The following PLAG1 variants were observed in gnomAD, a reference collection of about 807,000 sequenced individuals.
PLAG1 encodes PLAG1 zinc finger.
In PLAG1, 7 loss-of-function variants were observed where a neutral mutation model predicts 35.5. The observed-to-expected ratio is 0.20, with a 90% confidence interval of 0.11 to 0.37. The LOEUF (loss-of-function observed/expected upper bound fraction) is 0.37, where lower values mean the gene tolerates loss of function less well. Ranked by LOEUF, PLAG1 falls within the 10% of genes least tolerant of loss-of-function variation. The probability of loss-of-function intolerance (pLI) is 1.00; values close to 1 mark genes in which losing one functional copy is unlikely to be tolerated. For synonymous variants in PLAG1, 229 were observed against 225.4 expected, an observed-to-expected ratio of 1.02 and a Z score of -0.14; for missense variants, 454 against 602.8, an observed-to-expected ratio of 0.75 and a Z score of 2.58.
At chr8:56,192,179 G>A (rs769447369) in intron 1 of PLAG1, among the ~76,000 whole-genome samples, 5 of 152,304 alleles carry the variant, frequency 3.3e-5, no homozygotes, top group Non-Finnish European at 5.9e-5. Context: ...TACTACCAGC[G>A]ACAGCGACTG....
chr8:56,183,863 C>T (rs926610513), intron 1 of PLAG1, among the ~76,000 whole-genome samples: 2 of 151,974 alleles, frequency 1.3e-5, no homozygotes, highest in South Asian at 2.1e-4. Flanking sequence ...AATATAAAAC[C>T]TAAAACTATA....
At chr8:56,202,368 G>A (rs746680880) in intron 1 of PLAG1, among the ~76,000 whole-genome samples, 3 of 152,180 alleles carry the variant, frequency 2.0e-5, no homozygotes, top group South Asian at 2.1e-4. Context: ...ACTAGTCTAC[G>A]TAAGGCACTG....
rs1281129958 is a variant in PLAG1, at chr8:56,176,040, CCTTTT to C, written c.-217+3364_-217+3368del. Reference sequence around the variant, plus strand: ...TTTTCTCTTTTGAAAACTCCCTTTTCCTTTTCTTTTTTTTTTTTTTTTTGAGACAG... The same window carrying C: ...TTTTCTCTTTTGAAAACTCCCTTTTCCTTTTTTTTTTTTTTTTTGAGACAG... On this transcript the variant is annotated intron_variant, in intron 2 of 4. Coordinates refer to ENST00000316981, the MANE Select transcript of PLAG1 (RefSeq NM_002655.3). Among the ~76,000 whole-genome samples, 5 of 145,256 alleles carry C rather than the reference CCTTTT, an allele frequency of 3.4e-5. No homozygotes were observed. The South Asian group carries it at 1.1e-3, about 31-fold the overall frequency.
At chr8:56,169,162 T>G (rs1272050383) in intron 3 of PLAG1, among the ~76,000 whole-genome samples, 1 of 152,172 alleles carries the variant, frequency 6.6e-6, no homozygotes, top group Admixed American at 6.6e-5. Context: ...TTAGGCACAC[T>G]GAGGTTAGTA....
At chr8:56,182,249 C>T (rs1361094469) in intron 1 of PLAG1, among the ~76,000 whole-genome samples, 2 of 152,116 alleles carry the variant, frequency 1.3e-5, no homozygotes, top group Non-Finnish European at 2.9e-5. Context: ...GAGATGAAAA[C>T]CAGCAAAAAT....
chr8:56,163,342 A>G lies in PLAG1; in HGVS notation c.*2901T>C, dbSNP rs1030794683. 1.0e-5 allele frequency: 2 copies of G among 195,060 alleles called. No individual in the cohort carries two copies. The highest frequency in any genetic ancestry group is 4.7e-5 in the African/African-American group (2 of 42,914). 12.1% of individuals were successfully genotyped at this position (195,060 alleles called of 1,614,324 possible). On this transcript the variant is annotated 3_prime_UTR_variant, in exon 5 of 5. Transcript: ENST00000316981. Reference sequence around the variant, plus strand: ...ATTTTTAATCATATCTAGTTGACATAGAAACAAACAATCTTTTTCTAGGGA... The same window carrying G: ...ATTTTTAATCATATCTAGTTGACATGGAAACAAACAATCTTTTTCTAGGGA...
chr8:56,206,014 C>T (rs1056178955), intron 1 of PLAG1, among the ~76,000 whole-genome samples: 5 of 151,780 alleles, frequency 3.3e-5, no homozygotes, highest in Non-Finnish European at 7.4e-5. Context: ...ATAACACTAC[C>T]TTTTTAAAAA....
chr8:56,166,122 A>C lies in PLAG1; in HGVS notation c.*121T>G. On this transcript the variant is annotated 3_prime_UTR_variant, in exon 5 of 5. Coordinates refer to ENST00000316981, the MANE Select transcript of PLAG1 (RefSeq NM_002655.3). ...TTTCTATTTTATACTGGCTTAATGA[A>C]AATTTGTATTATACAAAAGCAGAAA... is the stretch of plus-strand genomic sequence containing the variant. 1 of 638,088 alleles carries C rather than the reference A, an allele frequency of 1.6e-6. No homozygotes were observed. The highest frequency in any genetic ancestry group is 2.7e-5 in the East Asian group (1 of 37,560). The allele number at this position is 638,088 out of a possible 1,614,324, so 39.5% of individuals were successfully genotyped here. A position where few individuals can be genotyped will look rare whatever the true frequency, so the allele number is the denominator to read the frequency against.
In PLAG1 at chr8:56,165,577, AAC is replaced by A. The variant is rs1175849714; in HGVS notation, c.*664_*665del. 4.9e-6 allele frequency: 1 copy of A among 205,138 alleles called. No homozygotes were observed. Among genetic ancestry groups the A allele is most frequent in the East Asian group, 7.5e-5 (1 of 13,360 alleles). The allele number at this position is 205,138 out of a possible 1,614,324, so 12.7% of individuals were successfully genotyped here. ...AGTGACACGAAATGCCATGTCACCT[AAC>A]AGAGTCTCTTTTTGCTATAAATACT... is the stretch of plus-strand genomic sequence containing the variant. On this transcript the variant is annotated 3_prime_UTR_variant, in exon 5 of 5. Transcript: ENST00000316981.
intron 1 of PLAG1, among the ~76,000 whole-genome samples, chr8:56,206,559 T>C (rs1265159860): frequency 2.0e-5 from 3 of 151,930 alleles, no homozygotes; most frequent in Non-Finnish European, 2.9e-5. Context: ...TACGGTAAAA[T>C]AGAAAAGAAT....
intron 1 of PLAG1, among the ~76,000 whole-genome samples, chr8:56,182,452 C>T (rs1262300624): frequency 6.6e-6 from 1 of 151,840 alleles, no homozygotes; most frequent in African/African-American, 2.4e-5. Context: ...GGGAGAAAGA[C>T]CAGAGATAGA....
chr8:56,188,819 C>A (rs1812094443), intron 1 of PLAG1, among the ~76,000 whole-genome samples: 1 of 152,006 alleles, frequency 6.6e-6, no homozygotes, highest in Admixed American at 6.6e-5. Context: ...ATGGCTAAAA[C>A]AAAATTAGTC....
intron 1 of PLAG1, among the ~76,000 whole-genome samples, chr8:56,207,404 C>T (rs1472414364): frequency 6.6e-6 from 1 of 151,938 alleles, no homozygotes; most frequent in Admixed American, 6.5e-5. Context: ...ATAACCCCCA[C>T]CTGTGCATGT....
intron 1 of PLAG1, among the ~76,000 whole-genome samples, chr8:56,182,869 G>A (rs1563382109): frequency 6.6e-6 from 1 of 152,272 alleles, no homozygotes; most frequent in East Asian, 1.9e-4. Context: ...AGATGGAGAG[G>A]CTTTTGCCCT....
At chr8:56,204,035 A>G (rs1812631764) in intron 1 of PLAG1, among the ~76,000 whole-genome samples, 1 of 152,016 alleles carries the variant, frequency 6.6e-6, no homozygotes, top group African/African-American at 2.4e-5. Context: ...ATAAGGTCAT[A>G]ACAATCCAAA....
At chr8:56,195,646 A>G (rs1057284190) in intron 1 of PLAG1, among the ~76,000 whole-genome samples, 2 of 152,152 alleles carry the variant, frequency 1.3e-5, no homozygotes, top group Non-Finnish European at 2.9e-5. Context: ...GAGGAGGCCC[A>G]AAGTTCATAG....
chr8:56,199,456 G>T (rs1262541371), intron 1 of PLAG1, among the ~76,000 whole-genome samples: 1 of 152,188 alleles, frequency 6.6e-6, no homozygotes, highest in Non-Finnish European at 1.5e-5. Context: ...CTTCCAGAAA[G>T]TCTGGCACTG....
In PLAG1 at chr8:56,166,835, G is replaced by A; in HGVS notation, c.911C>T (p.Ala304Val). ...PFQSMQSSGSAHQMITTLPLG... is the reference protein window; with the variant it reads ...PFQSMQSSGSVHQMITTLPLG... ...AGGTAAAGTTGTGATCATTTGGTGG[G>A]CAGATCCCGAGCTCTGCATGGACTG... Residue 304 changes from alanine (A) to valine (V), a missense_variant, in exon 5 of 5, where the codon GCC becomes GTC. This residue lies in a region of PLAG1 where 271 missense variants were observed against 315.6 expected (regional missense o/e 0.86). Transcript: ENST00000316981. 6.2e-7 allele frequency: 1 copy of A among 1,614,036 alleles called. No individual in the cohort carries two copies. The highest frequency in any genetic ancestry group is 8.5e-7 in the Non-Finnish European group (1 of 1,179,926).
intron 3 of PLAG1, among the ~76,000 whole-genome samples, chr8:56,170,345 C>T (rs1035415681): frequency 1.3e-5 from 2 of 152,162 alleles, no homozygotes; most frequent in Non-Finnish European, 2.9e-5. Context: ...GGGCTTCTTG[C>T]TCTATTTCTG....
Sources: gnomAD v4.1 joint callset for allele counts (sites outside exome capture counted in the v4.1 genomes callset) on GRCh38, gnomAD v4.1.1 for gene constraint, gnomAD v4.1.1 regional missense constraint, MANE v1.5 for transcripts, NCBI Gene and HGNC (gene_info 2026-07-23, HGNC 2026-07-21) for gene names.